The following NMD3 variants were observed in gnomAD, a reference collection of about 807,000 sequenced individuals.
The protein encoded by NMD3 is 60S ribosomal export protein NMD3.
Under a neutral mutation model 73.1 loss-of-function variants are expected in NMD3, and 47 were observed. The ratio of observed to expected loss-of-function variants is 0.64; its 90% CI spans 0.51 to 0.82. The LOEUF (loss-of-function observed/expected upper bound fraction) is 0.82. Ranked by LOEUF, NMD3 falls within the 40% of genes least tolerant of loss-of-function variation. The pLI is 0.00. For synonymous variants in NMD3, 210 were observed against 194.5 expected (o/e 1.08, Z -0.66); for missense variants, 554 against 612.5 (o/e 0.90, Z 1.01).
At chr3:161,237,833 T>G (rs1475878236) in intron 7 of NMD3, among the ~76,000 whole-genome samples, 1 of 152,112 alleles carries the variant, frequency 6.6e-6, no homozygotes, top group Non-Finnish European at 1.5e-5. Flanking sequence ...CGGCTGTTCA[T>G]AAACTTTCTT....
chr3:161,244,308 C>A (rs958293081), intron 11 of NMD3, among the ~76,000 whole-genome samples: 2 of 151,992 alleles, frequency 1.3e-5, no homozygotes, highest in Non-Finnish European at 2.9e-5. Flanking sequence ...TTTTTAATTT[C>A]TTTGTAGAGA....
At chr3:161,244,164 C>T (rs1046142428) in intron 11 of NMD3, among the ~76,000 whole-genome samples, 7 of 152,098 alleles carry the variant, frequency 4.6e-5, no homozygotes, top group East Asian at 3.8e-4. Context: ...ATGATCTTGC[C>T]GTGTTGTTTG....
chr3:161,230,056 C>T (rs1736473612), intron 4 of NMD3, among the ~76,000 whole-genome samples: 2 of 152,030 alleles, frequency 1.3e-5, no homozygotes, highest in South Asian at 4.1e-4. Flanking sequence ...AGAAATGGGG[C>T]AGTGGTTGAA....
intron 8 of NMD3, 130 bp downstream of exon 8, chr3:161,238,321 G>T (rs1364327485): frequency 1.5e-6 from 1 of 670,368 alleles, no homozygotes; most frequent in African/African-American, 1.8e-5. Context: ...CAATCAGGAA[G>T]CATATATTGG....
intron 11 of NMD3, 52 bp from the exon 12 acceptor site, chr3:161,246,284 C>T: frequency 1.5e-6 from 1 of 668,494 alleles, no homozygotes; most frequent in Non-Finnish European, 2.4e-6. Flanking sequence ...CTCTGAGATG[C>T]TTTTAGAGTT....
intron 7 of NMD3, among the ~76,000 whole-genome samples, chr3:161,237,311 C>T (rs893490650): frequency 1.3e-5 from 2 of 151,950 alleles, no homozygotes; most frequent in Non-Finnish European, 2.9e-5. Context: ...TCAGTTAACT[C>T]GACCTTGATA....
rs376329329 is a variant in NMD3, at chr3:161,221,958, CTTTTTTTTTTTTTTTTT to C, written c.-20-22_-20-6del. The C allele has an allele frequency of 0.39, 339,522 of 869,256 alleles. 40,728 individuals are homozygous for C. Among genetic ancestry groups the C allele is most frequent in the East Asian group, 0.52 (18,176 of 34,990 alleles). The allele number at this position is 869,256 out of a possible 1,614,324, so 53.8% of individuals were successfully genotyped here. The stretch of plus-strand genomic sequence containing the variant: ...AAAGTGATTTAAATCCCAACATTCT[CTTTTTTTTTTTTTTTTT>C]TTTTTTTTTTTTTAAAAGAACTTAA... On this transcript the variant is annotated intron_variant, in intron 1 of 15. Transcript: ENST00000351193.
At chr3:161,229,834 G>A (rs906977228) in intron 4 of NMD3, among the ~76,000 whole-genome samples, 2 of 152,140 alleles carry the variant, frequency 1.3e-5, no homozygotes, top group African/African-American at 4.8e-5. Context: ...TGGGAGGAAA[G>A]GGAAGTGTTT....
rs369872730 is a variant in NMD3, at chr3:161,228,822, G to A, written c.276+1479G>A. 5.3e-5 allele frequency among the ~76,000 whole-genome samples: 8 copies of A among 152,240 alleles called. No homozygotes were observed. The East Asian group carries it at 9.6e-4, about 18-fold the overall frequency. ...GTGTGGAGCAGCATGTTAGTATGCA[G>A]CGATCAAAATAGGTGGATATATTAC... On this transcript the variant is annotated intron_variant, in intron 4 of 15. Transcript: ENST00000351193.
rs1385039139 is a variant in NMD3, at chr3:161,250,720, T to C, written c.1382-60T>C. ...ATATTTGTATATTTTCAAATATATT[T>C]AATACTTTGTATACATATAAATACT... On this transcript the variant is annotated intron_variant, in intron 15 of 15. Coordinates refer to ENST00000351193, the MANE Select transcript of NMD3 (RefSeq NM_015938.5). The C allele has an allele frequency of 3.9e-6, 4 of 1,015,364 alleles. 1 individual carries two copies. In the South Asian group the frequency reaches 6.7e-5, roughly 17 times the overall value. 62.9% of individuals were successfully genotyped at this position (1,015,364 alleles called of 1,614,324 possible). A position where few individuals can be genotyped will look rare whatever the true frequency, so the allele number is the denominator to read the frequency against.
intron 1 of NMD3, 40 bp from the exon 2 acceptor site, chr3:161,221,954 T>TTC (rs1736102003): frequency 2.6e-6 from 3 of 1,154,426 alleles, no homozygotes; most frequent in African/African-American, 2.1e-5. Context: ...AATCCCAACA[T>TTC]TCTCTTTTTT....
chr3:161,222,946 T>C (rs1199156072), intron 2 of NMD3: 2 of 152,256 alleles, frequency 1.3e-5, no homozygotes, highest in African/African-American at 4.8e-5. Context: ...GAATAAGCCA[T>C]CTGAAAATGT....
chr3:161,225,790 C>A (rs767724563), intron 3 of NMD3, among the ~76,000 whole-genome samples: 1 of 151,918 alleles, frequency 6.6e-6, no homozygotes, highest in Non-Finnish European at 1.5e-5. Context: ...AAAACTGTAT[C>A]TCTTCCCCAA....
intron 11 of NMD3, 114 bp from the exon 12 acceptor site, chr3:161,246,222 T>G (rs553090037): frequency 7.2e-6 from 3 of 418,894 alleles, no homozygotes; most frequent in Admixed American, 4.3e-5. Context: ...TACAAAAAAT[T>G]TTCTGTCTTT....
chr3:161,228,003 A>T (rs148927815), intron 4 of NMD3, among the ~76,000 whole-genome samples: 162 of 152,222 alleles, frequency 1.1e-3, no homozygotes, highest in African/African-American at 3.8e-3. Context: ...TTTTATTGTC[A>T]TTATTGATCT....
At chr3:161,244,355 C>T (rs888866396) in intron 11 of NMD3, among the ~76,000 whole-genome samples, 5 of 152,180 alleles carry the variant, frequency 3.3e-5, no homozygotes, top group African/African-American at 7.2e-5. Context: ...TCTTGAACTC[C>T]TGAGCTCAAG....
Position 161,247,337 on chromosome 3 carries a change from CT to C in NMD3, c.1203+10del, listed in dbSNP as rs754875142. On this transcript the variant is annotated splice_region_variant and intron_variant, in intron 13 of 15. Transcript: ENST00000351193. ...AGATAGAGTTCCAGATGTGGTAAGG[CT>C]TTAGATTTTTCCCTTTTTTCCTGTG... is the stretch of plus-strand genomic sequence containing the variant. 6.9e-6 allele frequency: 11 copies of C among 1,591,646 alleles called. No individual in the cohort carries two copies. Among genetic ancestry groups the C allele is most frequent in the Non-Finnish European group, 8.6e-6 (10 of 1,160,456 alleles).
At chr3:161,243,604 A>AT (rs1737077957) in intron 11 of NMD3, among the ~76,000 whole-genome samples, 1 of 152,120 alleles carries the variant, frequency 6.6e-6, no homozygotes, top group Admixed American at 6.6e-5. Flanking sequence ...CAACTAGTGC[A>AT]TTTATCTTGT....
intron 4 of NMD3, among the ~76,000 whole-genome samples, chr3:161,232,779 G>A (rs1220140736): frequency 6.6e-6 from 1 of 152,098 alleles, no homozygotes; most frequent in Non-Finnish European, 1.5e-5. Context: ...ATCTGGCCCA[G>A]GTTATTACAG....
Sources: gnomAD v4.1 joint callset for allele counts (sites outside exome capture counted in the v4.1 genomes callset) on GRCh38, gnomAD v4.1.1 for gene constraint, MANE v1.5 for transcripts, NCBI Gene and HGNC (gene_info 2026-07-23, HGNC 2026-07-21) for gene names.